Variants in CACNB2 observed in about 807,000 individuals in gnomAD.
The protein encoded by CACNB2 is calcium voltage-gated channel auxiliary subunit beta 2, also known as voltage-dependent L-type calcium channel subunit beta-2.
CACNB2 carries 42 observed loss-of-function variants against 73.3 expected under a neutral mutation model. That is an observed-to-expected ratio of 0.57 (90% CI 0.45 to 0.74). The LOEUF (loss-of-function observed/expected upper bound fraction) is 0.74. Ranked by LOEUF, CACNB2 falls within the 30% of genes least tolerant of loss-of-function variation. The probability of loss-of-function intolerance (pLI) is 0.00; values close to 1 mark genes in which losing one functional copy is unlikely to be tolerated. For missense variants in CACNB2, 940 were observed against 853.0 expected (o/e 1.10, Z -1.27); for synonymous variants, 348 against 310.3 (o/e 1.12, Z -1.28).
At chr10:18,392,212 T>C (rs1469829240) in intron 2 of CACNB2, among the ~76,000 whole-genome samples, 2 of 151,756 alleles carry the variant, frequency 1.3e-5, no homozygotes, top group African/African-American at 2.4e-5. Context: ...GGAGAGGGTG[T>C]AGAGATCAGC....
At chr10:18,506,992 T>C (rs962855830) in intron 6 of CACNB2, among the ~76,000 whole-genome samples, 4 of 151,948 alleles carry the variant, frequency 2.6e-5, no homozygotes, top group Admixed American at 6.6e-5. Flanking sequence ...AGAGATGGAG[T>C]TTCACCATGT....
At chr10:18,438,961 C>T (rs982357599) in intron 3 of CACNB2, among the ~76,000 whole-genome samples, 2 of 152,218 alleles carry the variant, frequency 1.3e-5, no homozygotes, top group Admixed American at 1.3e-4. Flanking sequence ...AATAGAATGG[C>T]GTAGGCCAGC....
intron 2 of CACNB2, among the ~76,000 whole-genome samples, chr10:18,297,799 G>C (rs906854973): frequency 5.3e-5 from 8 of 152,098 alleles, no homozygotes; most frequent in African/African-American, 1.9e-4. Flanking sequence ...CTTATGTGGA[G>C]GGAGGGATTA....
intron 2 of CACNB2, among the ~76,000 whole-genome samples, chr10:18,305,174 TA>T (rs1459909314): frequency 6.6e-6 from 1 of 152,232 alleles, no homozygotes; most frequent in Non-Finnish European, 1.5e-5. Context: ...GCCTTTGGGT[TA>T]CAGGAAATAA....
At chr10:18,304,849 A>G (rs2039666820) in intron 2 of CACNB2, among the ~76,000 whole-genome samples, 2 of 152,244 alleles carry the variant, frequency 1.3e-5, no homozygotes, top group African/African-American at 2.4e-5. Context: ...TAATTAAAAC[A>G]GGGGCGGTCC....
chr10:18,401,892 A>G (rs1799514985), intron 2 of CACNB2, 32 bp from the exon 3 acceptor site: 2 of 1,612,134 alleles, frequency 1.2e-6, no homozygotes, highest in Non-Finnish European at 1.7e-6. Flanking sequence ...CATAGACTGA[A>G]TCTACTTTAA....
intron 2 of CACNB2, among the ~76,000 whole-genome samples, chr10:18,314,390 T>A (rs1426690656): frequency 6.6e-6 from 1 of 152,182 alleles, no homozygotes; most frequent in Non-Finnish European, 1.5e-5. Flanking sequence ...GTTCACAACA[T>A]GGGGAAAATG....
intron 7 of CACNB2, 127 bp from the exon 8 acceptor site, chr10:18,518,209 T>G: frequency 2.6e-6 from 2 of 756,690 alleles, no homozygotes. Flanking sequence ...AAGAGGCAAG[T>G]GGGGAAAATA....
intron 2 of CACNB2, among the ~76,000 whole-genome samples, chr10:18,304,738 T>C (rs1385314576): frequency 6.6e-6 from 1 of 152,232 alleles, no homozygotes; most frequent in South Asian, 2.1e-4. Flanking sequence ...CTTGCAAGAA[T>C]GTTAGCTCGA....
Position 18,198,310 on chromosome 10 carries a change from T to C in CACNB2, c.213+47335T>C, listed in dbSNP as rs891496938. Among the ~76,000 whole-genome samples the C allele has an allele frequency of 2.6e-5, 4 of 151,876 alleles. No homozygotes were observed. In the South Asian group the frequency reaches 6.2e-4, roughly 24 times the overall value. ...TTTAAAGCTCATATGTTCCCAACAG[T>C]ACCCCATATTTCATATAGTAGTTGA... On this transcript the variant is annotated intron_variant, in intron 2 of 13. Coordinates refer to ENST00000324631, the MANE Select transcript of CACNB2 (RefSeq NM_201596.3).
chr10:18,141,003 C>A, intron 1 of CACNB2, 147 bp downstream of exon 1: 3 of 1,522,854 alleles, frequency 2.0e-6, no homozygotes, highest in Non-Finnish European at 2.6e-6. Context: ...CCTCTCCTGG[C>A]GCCGGGGACC....
intron 2 of CACNB2, among the ~76,000 whole-genome samples, chr10:18,197,183 G>A (rs899262752): frequency 5.9e-5 from 9 of 152,112 alleles, no homozygotes; most frequent in African/African-American, 1.4e-4. Context: ...TTCGTTCCTC[G>A]TCTTGTTCTT....
At chr10:18,354,683 C>G (rs2041842188) in intron 2 of CACNB2, among the ~76,000 whole-genome samples, 1 of 151,976 alleles carries the variant, frequency 6.6e-6, no homozygotes, top group Admixed American at 6.6e-5. Flanking sequence ...GTCTCAGGAC[C>G]CAGCAGGCCC....
intron 2 of CACNB2, among the ~76,000 whole-genome samples, chr10:18,309,497 C>G (rs537055836): frequency 6.6e-6 from 1 of 152,060 alleles, no homozygotes; most frequent in Admixed American, 6.6e-5. Context: ...CTCGCTCTGT[C>G]GCCAGGCTGG....
chr10:18,340,292 T>C (rs1445471526), intron 2 of CACNB2, among the ~76,000 whole-genome samples: 2 of 152,270 alleles, frequency 1.3e-5, no homozygotes, highest in East Asian at 3.9e-4. Flanking sequence ...TGTCTCCAAG[T>C]GATACTCATT....
intron 2 of CACNB2, among the ~76,000 whole-genome samples, chr10:18,323,251 T>C (rs1222615613): frequency 6.6e-6 from 1 of 151,982 alleles, no homozygotes; most frequent in African/African-American, 2.4e-5. Flanking sequence ...GAGCCACTGC[T>C]CCTGGCCTCT....
chr10:18,261,851 C>T, intron 2 of CACNB2: 2 of 489,196 alleles, frequency 4.1e-6, no homozygotes, highest in Non-Finnish European at 8.2e-6. Context: ...GCCCTTATTT[C>T]ATGGCCCTGC....
At position 18,346,697 on chromosome 10, in the gene CACNB2, A is replaced by C. The variant is rs572670460; in HGVS notation, c.214-55227A>C. On this transcript the variant is annotated intron_variant, in intron 2 of 13. Coordinates refer to ENST00000324631, the MANE Select transcript of CACNB2 (RefSeq NM_201596.3). ...CTGCAACCTCCGCCTCCCAGGCTCA[A>C]GCCATCATCCCATCTCAGCCTCCCG... 6.6e-5 allele frequency among the ~76,000 whole-genome samples: 10 copies of C among 152,002 alleles called. No homozygotes were observed. The Middle Eastern group carries it at 0.01, about 155-fold the overall frequency.
chr10:18,481,207 TATATATATATATATATATATATA>T (rs373341891), intron 3 of CACNB2, among the ~76,000 whole-genome samples: 930 of 11,224 alleles, frequency 0.083, 25 homozygotes, highest in Non-Finnish European at 0.097. Context: ...TATATATATA[TATATATATATATATATATATATA>T]TTTTTTTTTT....
Sources: allele counts gnomAD v4.1 joint callset (sites outside exome capture counted in the v4.1 genomes callset), GRCh38; gene constraint gnomAD v4.1.1; transcripts MANE v1.5; gene names NCBI Gene and HGNC (gene_info 2026-07-23, HGNC 2026-07-21).